The following CROCC variants were observed in gnomAD, a reference collection of about 807,000 sequenced individuals.
The protein encoded by CROCC is rootletin.
A neutral mutation model predicts 245.2 loss-of-function variants in CROCC; 180 were observed. The ratio of observed to expected loss-of-function variants is 0.73; its 90% CI spans 0.65 to 0.83. The LOEUF (loss-of-function observed/expected upper bound fraction) is 0.83, where lower values mean the gene tolerates loss of function less well. Among genes scored for constraint, CROCC ranks in the 40% least tolerant of loss-of-function variants. The pLI is 0.00. For missense variants in CROCC, 2,688 were observed against 2,779.4 expected (o/e 0.97, Z 0.74); for synonymous variants, 1,205 against 1,241.6 (o/e 0.97, Z 0.62).
chr1:16,948,204 C>T, intron 17 of CROCC, 127 bp from the exon 18 acceptor site: 2 of 1,422,242 alleles, frequency 1.4e-6, no homozygotes, highest in East Asian at 5.0e-5. Flanking sequence ...TGTAGCACAT[C>T]AGGGCAGACC....
chr1:16,968,293 A>G lies in CROCC; in HGVS notation c.4951A>G (p.Thr1651Ala), dbSNP rs529616755. 209 of 1,553,950 alleles carry G rather than the reference A, an allele frequency of 1.3e-4. No individual in the cohort carries two copies. In the South Asian group the frequency reaches 2.3e-3, roughly 17 times the overall value. The change falls in exon 31 of 37, where the codon ACT becomes GCT. Residue 1651 changes from threonine to alanine, a missense_variant. This residue lies in a region of CROCC where 1,218 missense variants were observed against 1,286.3 expected (regional missense o/e 0.95). Coordinates refer to ENST00000375541, the MANE Select transcript of CROCC (RefSeq NM_014675.5). ...GGTTCTGGACGCCTCCGAGAGCCGC[A>G]CTGTCAAGCTGGAGCTGCAGCGGCG... ...KEVLDASESR[T>A]VKLELQRRSL...
chr1:16,962,375 T>TA (rs2076346772), intron 27 of CROCC, among the ~76,000 whole-genome samples: 1 of 148,950 alleles, frequency 6.7e-6, no homozygotes, highest in African/African-American at 2.5e-5. Context: ...CTACTAAAAA[T>TA]ACAAAAAAAA....
At chr1:16,944,347 C>CA (rs1196326068) in intron 14 of CROCC, 65 bp downstream of exon 14, 1 of 1,448,610 alleles carries the variant, frequency 6.9e-7, no homozygotes, top group Non-Finnish European at 9.1e-7. Context: ...TGACAGTGCC[C>CA]CCCTGGGGTT....
Position 16,939,086 on chromosome 1 carries a change from T to G in CROCC, c.1552T>G (p.Ser518Ala). Residue 518 changes from serine (S) to alanine (A), a missense_variant, in exon 12 of 37, where the codon TCC becomes GCC. Around this residue, in one of 9 missense-constraint regions of CROCC, gnomAD observed 972 missense variants for 895.3 expected, o/e 1.09. Coordinates refer to ENST00000375541, the MANE Select transcript of CROCC (RefSeq NM_014675.5). ...AGGCCCCTCCCCGGCCTGCTCAGAC[T>G]CCTCCACGCTCGCCCTGATCCACTC... is the stretch of plus-strand genomic sequence containing the variant. ...RRGPSPACSD[S>A]STLALIHSAL... 1 of 1,580,396 alleles carries G rather than the reference T, an allele frequency of 6.3e-7. No individual in the cohort carries two copies. Among genetic ancestry groups the G allele is most frequent in the Non-Finnish European group, 8.5e-7 (1 of 1,169,662 alleles).
At chr1:16,924,022 A>T (rs1483112104) in intron 2 of CROCC, among the ~76,000 whole-genome samples, 1 of 152,248 alleles carries the variant, frequency 6.6e-6, no homozygotes, top group Non-Finnish European at 1.5e-5. Flanking sequence ...GGAGAAGAAG[A>T]CTAATTGGAA....
chr1:16,956,125 C>A lies in CROCC; in HGVS notation c.3833C>A (p.Ala1278Asp). ...LQEVERSRLE[A>D]RRELQELRRQ... ...GAGGTGGAGCGCTCACGGCTGGAGG[C>A]TCGGCGGGAGCTGCAGGAGCTCCGG... The change falls in exon 25 of 37, where the codon GCT becomes GAT. Residue 1278 changes from alanine to aspartate, a missense_variant. Ala to Asp is a moderately radical substitution (Grantham distance 126, BLOSUM62 -2). Coordinates refer to ENST00000375541, the MANE Select transcript of CROCC (RefSeq NM_014675.5). 6.5e-7 allele frequency: 1 copy of A among 1,546,772 alleles called. No individual in the cohort carries two copies.
intron 13 of CROCC, among the ~76,000 whole-genome samples, chr1:16,943,602 G>A (rs1273928873): frequency 6.6e-6 from 1 of 152,266 alleles, no homozygotes; most frequent in Non-Finnish European, 1.5e-5. Flanking sequence ...AGTGGGGAAC[G>A]TGGCAGCTCA....
chr1:16,955,618 C>T lies in CROCC; in HGVS notation c.3704+68C>T, dbSNP rs557190027. The T allele has an allele frequency of 1.4e-5, 18 of 1,316,450 alleles. No individual in the cohort carries two copies. The African/African-American group carries it at 2.7e-4, about 19-fold the overall frequency. The allele number at this position is 1,316,450 out of a possible 1,614,324, so 81.5% of individuals were successfully genotyped here. On this transcript the variant is annotated intron_variant, in intron 24 of 36. Transcript: ENST00000375541. The stretch of plus-strand genomic sequence containing the variant: ...CCCATCCCTGAAACCTAACTTCACC[C>T]CCAACGTTCTGGGGAAATTGCCCAG...
chr1:16,970,290 T>A lies in CROCC; in HGVS notation c.5489T>A (p.Leu1830Gln). ...CGGCAGGAGGGTGAGGCTGCAGCCC[T>A]GAACACCGTCCAGAAGCTGCAAGAC... Reference protein sequence around the residue: ...RQRQEGEAAALNTVQKLQDER... With the variant: ...RQRQEGEAAAQNTVQKLQDER... The change falls in exon 34 of 37, where the codon CTG (leucine) becomes CAG (glutamine). Residue 1830 changes from leucine (L) to glutamine (Q), a missense_variant. Leu to Gln is a moderately radical substitution (Grantham distance 113, BLOSUM62 -2). Transcript: ENST00000375541. 1.3e-6 allele frequency: 2 copies of A among 1,580,142 alleles called. No homozygotes were observed. The highest frequency in any genetic ancestry group is 2.3e-5 in the East Asian group (1 of 42,766).
At chr1:16,958,530 T>G in intron 25 of CROCC, 53 bp from the exon 26 acceptor site, 1 of 1,544,196 alleles carries the variant, frequency 6.5e-7, no homozygotes, top group South Asian at 1.2e-5. Flanking sequence ...GGGCCAGAAC[T>G]GGGAGGGTAC....
intron 8 of CROCC, 86 bp from the exon 9 acceptor site, chr1:16,936,551 G>A (rs377699020): frequency 1.0e-5 from 14 of 1,348,392 alleles, no homozygotes; most frequent in Non-Finnish European, 1.4e-5. Context: ...TTATAGGTGT[G>A]AGCCACCACG....
chr1:16,961,225 G>GTTTTT (rs1163645598), intron 27 of CROCC, 95 bp downstream of exon 27: 7 of 1,198,014 alleles, frequency 5.8e-6, no homozygotes, highest in African/African-American at 4.8e-5. Flanking sequence ...TTTTGTTTTT[G>GTTTTT]TTTTTTTTCA....
chr1:16,960,785 G>A lies in CROCC; in HGVS notation c.4060G>A (p.Glu1354Lys). 1 of 1,542,844 alleles carries A rather than the reference G, an allele frequency of 6.5e-7. No homozygotes were observed. Among genetic ancestry groups the A allele is most frequent in the Non-Finnish European group, 8.7e-7 (1 of 1,152,082 alleles). The part of the protein sequence containing the change: ...ELQVAQRKLQ[E>K]QEGEFRTRER... ...CCAGGTAGCCCAGCGGAAGCTGCAGGAACAAGAAGGCGAGTTCCGGACCCG... is the reference window on the plus strand; with the variant it reads ...CCAGGTAGCCCAGCGGAAGCTGCAGAAACAAGAAGGCGAGTTCCGGACCCG... The change falls in exon 27 of 37, where the codon GAA becomes AAA. Residue 1354 changes from glutamate (E) to lysine (K), a missense_variant. Around this residue, in one of 9 missense-constraint regions of CROCC, gnomAD observed 1,218 missense variants for 1,286.3 expected, o/e 0.95. Coordinates refer to ENST00000375541, the MANE Select transcript of CROCC (RefSeq NM_014675.5).
In CROCC at chr1:16,946,817, C is replaced by T. The variant is rs1557613988; in HGVS notation, c.2340C>T (p.Ala780=). 5.2e-6 allele frequency: 8 copies of T among 1,552,916 alleles called. No homozygotes were observed. The South Asian group carries it at 9.5e-5, about 18-fold the overall frequency. Residue 780 remains alanine, a synonymous_variant, in exon 17 of 37, where the codon GCC becomes GCT. Transcript: ENST00000375541. ...GGCAACGGCAGGCAGAGCAGGAGGC[C>T]ACAGTGGCGCGGGAAGAGCAGGAAC... The part of the protein sequence containing the change: ...QGRQRQAEQE[A]TVAREEQERL...
At chr1:16,922,848 C>A in intron 2 of CROCC, 50 bp downstream of exon 2, 1 of 1,587,062 alleles carries the variant, frequency 6.3e-7, no homozygotes, top group Non-Finnish European at 8.6e-7. Flanking sequence ...CATTTTACCT[C>A]TTCTCATGTC....
In CROCC at chr1:16,946,136, T is replaced by G. The variant is rs1322626197; in HGVS notation, c.2137-123T>G. On this transcript the variant is annotated intron_variant, in intron 15 of 36. Transcript: ENST00000375541. The stretch of plus-strand genomic sequence containing the variant: ...ATTTTTTTTTTTCCATCTCACACTG[T>G]GTCCCCTCCTTGTCTCCCCTACCCT... 5 of 1,120,980 alleles carry G rather than the reference T, an allele frequency of 4.5e-6. No homozygotes were observed. In the African/African-American group the frequency reaches 7.7e-5, roughly 17 times the overall value. The allele number at this position is 1,120,980 out of a possible 1,614,324, so 69.4% of individuals were successfully genotyped here. A position where few individuals can be genotyped will look rare whatever the true frequency, so the allele number is the denominator to read the frequency against.
At chr1:16,920,789 G>T (rs1478237091), upstream of CROCC, among the ~76,000 whole-genome samples, 1 of 147,496 alleles carries the variant, frequency 6.8e-6, no homozygotes, top group African/African-American at 2.5e-5. Flanking sequence ...TGTTGCCCAG[G>T]CTGGAGTGCA....
chr1:16,969,467 CT>C (rs1345635545), intron 32 of CROCC, 127 bp downstream of exon 32: 42 of 988,420 alleles, frequency 4.2e-5, no homozygotes, highest in Non-Finnish European at 5.5e-5. Flanking sequence ...TGAGAGCAGG[CT>C]TTGAAGGGAG....
chr1:16,936,244 C>T (rs1413003238), intron 8 of CROCC, among the ~76,000 whole-genome samples: 3 of 152,212 alleles, frequency 2.0e-5, no homozygotes, highest in Non-Finnish European at 4.4e-5. Context: ...TGCCACCGCA[C>T]CCAGCCTAGT....
Sources: allele counts gnomAD v4.1 joint callset (sites outside exome capture counted in the v4.1 genomes callset), GRCh38; gene constraint gnomAD v4.1.1; regional missense constraint gnomAD v4.1.1; transcripts MANE v1.5; gene names NCBI Gene and HGNC (gene_info 2026-07-23, HGNC 2026-07-21).